Variants in DNAJC1 observed in about 807,000 individuals in gnomAD.
The protein encoded by DNAJC1 is dnaJ homolog subfamily C member 1.
Under a neutral mutation model 76.6 loss-of-function variants are expected in DNAJC1, and 58 were observed. The ratio of observed to expected loss-of-function variants is 0.76; its 90% CI spans 0.61 to 0.94. DNAJC1 has a LOEUF of 0.94. Among genes scored for constraint, DNAJC1 ranks in the 40% least tolerant of loss-of-function variants. DNAJC1 has a pLI of 0.00. For missense variants in DNAJC1, 689 were observed against 677.3 expected, an observed-to-expected ratio of 1.02 and a Z score of -0.19; for synonymous variants, 258 against 267.9, an observed-to-expected ratio of 0.96 and a Z score of 0.36.
At chr10:21,819,667 C>T (rs1199737555) in intron 8 of DNAJC1, among the ~76,000 whole-genome samples, 7 of 152,248 alleles carry the variant, frequency 4.6e-5, no homozygotes, top group African/African-American at 1.7e-4. Context: ...CAGTGGCTCA[C>T]ACCTGTAATC....
At chr10:21,831,660 G>T (rs1835357981) in intron 8 of DNAJC1, among the ~76,000 whole-genome samples, 1 of 151,940 alleles carries the variant, frequency 6.6e-6, no homozygotes, top group African/African-American at 2.4e-5. Flanking sequence ...CATGGTGGCA[G>T]GCGCCTGTAG....
At chr10:21,852,149 C>T (rs1426009559) in intron 8 of DNAJC1, among the ~76,000 whole-genome samples, 1 of 145,630 alleles carries the variant, frequency 6.9e-6, no homozygotes, top group Non-Finnish European at 1.5e-5. Flanking sequence ...TATTATTCAG[C>T]CATAAAAAGA....
At chr10:21,922,415 T>C (rs1837056081) in intron 3 of DNAJC1, among the ~76,000 whole-genome samples, 1 of 152,004 alleles carries the variant, frequency 6.6e-6, no homozygotes, top group African/African-American at 2.4e-5. Context: ...GAATAACCAA[T>C]GTTGAAAGCA....
chr10:21,851,017 G>C (rs1298285513), intron 8 of DNAJC1, among the ~76,000 whole-genome samples: 3 of 152,048 alleles, frequency 2.0e-5, no homozygotes, highest in African/African-American at 4.8e-5. Flanking sequence ...AATGCAAAAT[G>C]AATCAACAAC....
intron 1 of DNAJC1, among the ~76,000 whole-genome samples, chr10:21,999,611 C>T (rs555242352): frequency 3.3e-5 from 5 of 152,178 alleles, no homozygotes; most frequent in African/African-American, 4.8e-5. Flanking sequence ...CCTGCCACCA[C>T]GCCTGGCTAA....
chr10:21,909,225 T>A (rs532088784), intron 6 of DNAJC1, among the ~76,000 whole-genome samples: 1 of 152,318 alleles, frequency 6.6e-6, no homozygotes, highest in African/African-American at 2.4e-5. Flanking sequence ...AAACCTGCCT[T>A]CATAGACATC....
chr10:21,835,824 T>C (rs950880732), intron 8 of DNAJC1, among the ~76,000 whole-genome samples: 3 of 152,176 alleles, frequency 2.0e-5, no homozygotes, highest in African/African-American at 7.2e-5. Flanking sequence ...TATGGGACCA[T>C]GTGAAAAGAC....
At chr10:21,965,271 G>A (rs1175560132) in intron 1 of DNAJC1, among the ~76,000 whole-genome samples, 1 of 151,924 alleles carries the variant, frequency 6.6e-6, no homozygotes, top group East Asian at 1.9e-4. Context: ...AGTCTATTTT[G>A]TATTTTATAA....
chr10:21,792,758 C>CA (rs1287180845), intron 9 of DNAJC1, among the ~76,000 whole-genome samples: 6,026 of 65,520 alleles, frequency 0.092, 348 homozygotes, highest in African/African-American at 0.2. Flanking sequence ...GACAACACCT[C>CA]AAAAAAAAAA....
At chr10:21,796,579 C>T (rs1834752411) in intron 9 of DNAJC1, among the ~76,000 whole-genome samples, 1 of 152,160 alleles carries the variant, frequency 6.6e-6, no homozygotes, top group African/African-American at 2.4e-5. Flanking sequence ...ACAAGGGTTC[C>T]AATTTCTCTA....
At chr10:21,918,290 C>T (rs1836986463) in intron 6 of DNAJC1, among the ~76,000 whole-genome samples, 1 of 149,942 alleles carries the variant, frequency 6.7e-6, no homozygotes. Flanking sequence ...CTGTATAAGA[C>T]AAAATGTCCT....
At chr10:21,776,526 C>T (rs1589975901) in intron 9 of DNAJC1, among the ~76,000 whole-genome samples, 1 of 152,126 alleles carries the variant, frequency 6.6e-6, no homozygotes, top group Non-Finnish European at 1.5e-5. Context: ...ACTACTACAG[C>T]GTTCAAATAC....
intron 1 of DNAJC1, among the ~76,000 whole-genome samples, chr10:21,970,470 G>A (rs1323530607): frequency 6.6e-6 from 1 of 151,984 alleles, no homozygotes; most frequent in Non-Finnish European, 1.5e-5. Flanking sequence ...GAAATTCTCA[G>A]TTACAAGACA....
intron 8 of DNAJC1, among the ~76,000 whole-genome samples, chr10:21,849,989 G>A (rs79354645): frequency 0.031 from 4,722 of 152,232 alleles, 123 homozygotes; most frequent in Middle Eastern, 0.065. Context: ...GAGGTCATTT[G>A]TGGAGAAACC....
Position 21,840,318 on chromosome 10 carries a change from G to C in DNAJC1, c.979-34219C>G, listed in dbSNP as rs983334518. ...GAAAAGAGGAAGTCAAATTGTCCCT[G>C]TTTGCAGACGACATGATTGTATATC... On this transcript the variant is annotated intron_variant, in intron 8 of 11. Coordinates refer to ENST00000376980, the MANE Select transcript of DNAJC1 (RefSeq NM_022365.4). Among the ~76,000 whole-genome samples the C allele has an allele frequency of 2.0e-5, 3 of 152,198 alleles. 1 individual carries two copies. The highest frequency in any genetic ancestry group is 4.1e-4 in the South Asian group (2 of 4,830).
intron 1 of DNAJC1, among the ~76,000 whole-genome samples, chr10:21,963,882 T>C (rs1837844247): frequency 6.6e-6 from 1 of 152,178 alleles, no homozygotes; most frequent in African/African-American, 2.4e-5. Flanking sequence ...TTCTTGACTT[T>C]ATTTATTTAC....
At chr10:21,880,806 C>T (rs956445454) in intron 8 of DNAJC1, among the ~76,000 whole-genome samples, 3 of 152,186 alleles carry the variant, frequency 2.0e-5, no homozygotes, top group Admixed American at 6.5e-5. Context: ...AAGTTACCAG[C>T]TGCATTATTC....
At chr10:21,780,865 GACAC>G (rs1834519621) in intron 9 of DNAJC1, among the ~76,000 whole-genome samples, 1 of 152,144 alleles carries the variant, frequency 6.6e-6, no homozygotes, top group Admixed American at 6.5e-5. Flanking sequence ...CATGTGCAGA[GACAC>G]ACACAGGCTC....
chr10:21,818,166 G>A (rs1835104696), intron 8 of DNAJC1, among the ~76,000 whole-genome samples: 1 of 152,148 alleles, frequency 6.6e-6, no homozygotes, highest in South Asian at 2.1e-4. Context: ...TCTCAGCAAG[G>A]AACGTCCCTG....
Sources: gnomAD v4.1 joint callset for allele counts (sites outside exome capture counted in the v4.1 genomes callset) on GRCh38, gnomAD v4.1.1 for gene constraint, MANE v1.5 for transcripts, NCBI Gene and HGNC (gene_info 2026-07-23, HGNC 2026-07-21) for gene names.